Variants in WIPF2 observed in about 807,000 individuals in gnomAD.
The protein encoded by WIPF2 is WAS/WASL interacting protein family member 2.
WIPF2 carries 23 observed loss-of-function variants against 38.8 expected under a neutral mutation model. The ratio of observed to expected loss-of-function variants is 0.59; its 90% CI spans 0.43 to 0.84. The LOEUF (loss-of-function observed/expected upper bound fraction) is 0.84, where lower values mean the gene tolerates loss of function less well. Ranked by LOEUF, WIPF2 falls within the 40% of genes least tolerant of loss-of-function variation. The pLI, the probability that WIPF2 is intolerant of heterozygous loss-of-function variation, is 0.00. For synonymous variants in WIPF2, 210 were observed against 223.2 expected, an observed-to-expected ratio of 0.94 and a Z score of 0.53; for missense variants, 574 against 580.5, an observed-to-expected ratio of 0.99 and a Z score of 0.11.
chr17:40,264,943 G>A lies in WIPF2; in HGVS notation c.767G>A (p.Arg256His), dbSNP rs1168786447. The change falls in exon 5 of 8, where the codon CGC becomes CAC. Residue 256 changes from arginine to histidine, a missense_variant. By Grantham distance (29) the Arg-to-His change is conservative. Transcript: ENST00000323571. Reference sequence around the variant, plus strand: ...CTGGCTCCTCCTCCTCCGCCTTACCGCCAGCCTCCTGGGGTCCCCAATGGA... The same window carrying A: ...CTGGCTCCTCCTCCTCCGCCTTACCACCAGCCTCCTGGGGTCCCCAATGGA... ...QSLAPPPPPY[R>H]QPPGVPNGPS... 10 of 1,613,906 alleles carry A rather than the reference G, an allele frequency of 6.2e-6. No individual in the cohort carries two copies. Among genetic ancestry groups the A allele is most frequent in the South Asian group, 3.3e-5 (3 of 91,088 alleles).
intron 1 of WIPF2, among the ~76,000 whole-genome samples, chr17:40,242,525 G>C (rs945518555): frequency 2.6e-5 from 4 of 152,150 alleles, no homozygotes; most frequent in South Asian, 2.1e-4. Context: ...TCAGCCTCCC[G>C]AGTAGCTGGG....
chr17:40,231,312 C>A (rs561958757), intron 1 of WIPF2, among the ~76,000 whole-genome samples: 12 of 152,112 alleles, frequency 7.9e-5, no homozygotes, highest in Admixed American at 3.3e-4. Context: ...CATGTGAAGT[C>A]TGGATCAGCA....
At chr17:40,267,972 G>A (rs891393437) in intron 5 of WIPF2, among the ~76,000 whole-genome samples, 5 of 152,046 alleles carry the variant, frequency 3.3e-5, no homozygotes. Flanking sequence ...GCAAAACCCT[G>A]TCTCTACAAA....
At chr17:40,276,497 G>A (rs1378132982) in intron 6 of WIPF2, among the ~76,000 whole-genome samples, 1 of 138,970 alleles carries the variant, frequency 7.2e-6, no homozygotes, top group Non-Finnish European at 1.5e-5. Flanking sequence ...CCCCAGTCTG[G>A]GCAACAGAGT....
rs138472496 is a variant in WIPF2 at position 40,256,484 on chromosome 17, C to T, written c.25C>T (p.Pro9Ser). Residue 9 changes from proline to serine, a missense_variant, in exon 2 of 8, where the codon CCC (proline) becomes TCC (serine). Coordinates refer to ENST00000323571, the MANE Select transcript of WIPF2 (RefSeq NM_133264.5). The part of the protein sequence containing the change: MPIPPPPP[P>S]PPGPPPPPTF... ...AATGCCAATTCCTCCTCCCCCGCCA[C>T]CCCCACCTGGTCCTCCTCCACCTCC... 1.0e-5 allele frequency: 16 copies of T among 1,606,746 alleles called. No homozygotes were observed. The highest frequency in any genetic ancestry group is 1.4e-5 in the Non-Finnish European group (16 of 1,177,232).
chr17:40,257,756 AAAAAGG>A (rs1305518869), intron 2 of WIPF2, among the ~76,000 whole-genome samples: 2 of 151,854 alleles, frequency 1.3e-5, no homozygotes, highest in Admixed American at 6.6e-5. Context: ...AAAAAAAAAA[AAAAAGG>A]AAAGGAGGAA....
In WIPF2 at chr17:40,262,524, G is replaced by T; in HGVS notation, c.197-1G>T. ...GAAAACCCTACTGGTATGCTTTCCA[G>T]AGCCGAAAGGAAGCAGTGGTGGCTA... On this transcript the variant is annotated splice_acceptor_variant, in intron 3 of 7. Coordinates refer to ENST00000323571, the MANE Select transcript of WIPF2 (RefSeq NM_133264.5). LOFTEE classifies it high-confidence loss of function. 1 of 1,613,494 alleles carries T rather than the reference G, an allele frequency of 6.2e-7. No individual in the cohort carries two copies. Among genetic ancestry groups the T allele is most frequent in the Non-Finnish European group, 8.5e-7 (1 of 1,179,522 alleles).
chr17:40,257,668 C>T (rs1022307210), intron 2 of WIPF2, among the ~76,000 whole-genome samples: 1 of 151,130 alleles, frequency 6.6e-6, no homozygotes, highest in Non-Finnish European at 1.5e-5. Flanking sequence ...ATTGCTTGAA[C>T]CCAGGAAGCG....
chr17:40,231,703 G>C (rs1210710644), intron 1 of WIPF2, among the ~76,000 whole-genome samples: 2 of 152,030 alleles, frequency 1.3e-5, no homozygotes, highest in Non-Finnish European at 2.9e-5. Flanking sequence ...GATTACAGGC[G>C]TGAGCCACCA....
At chr17:40,268,918 C>G (rs931583338) in intron 5 of WIPF2, among the ~76,000 whole-genome samples, 3 of 152,154 alleles carry the variant, frequency 2.0e-5, no homozygotes, top group African/African-American at 7.2e-5. Flanking sequence ...GGGACACAGG[C>G]TCACACTTGT....
intron 1 of WIPF2, among the ~76,000 whole-genome samples, chr17:40,221,158 G>C (rs959556435): frequency 1.1e-4 from 16 of 152,046 alleles, no homozygotes; most frequent in African/African-American, 3.4e-4. Context: ...CCTTTTTCAT[G>C]CTGTTATTTT....
intron 1 of WIPF2, among the ~76,000 whole-genome samples, chr17:40,231,784 A>G (rs2145292253): frequency 6.6e-6 from 1 of 151,930 alleles, no homozygotes; most frequent in East Asian, 1.9e-4. Flanking sequence ...GTTGGGAGCT[A>G]GTAATAATAT....
In WIPF2 at chr17:40,278,333, C is replaced by T. The variant is rs536893667; in HGVS notation, c.*108C>T. On this transcript the variant is annotated 3_prime_UTR_variant, in exon 8 of 8. Transcript: ENST00000323571. ...CATGAGAGCTCCTAACATGTTTCTCCAATGCAATCAAGCCCTAGACTCCAA... is the reference window on the plus strand; with the variant it reads ...CATGAGAGCTCCTAACATGTTTCTCTAATGCAATCAAGCCCTAGACTCCAA... 8.4e-6 allele frequency: 11 copies of T among 1,310,816 alleles called. No homozygotes were observed. In the African/African-American group the frequency reaches 1.3e-4, roughly 16 times the overall value. The allele number at this position is 1,310,816 out of a possible 1,614,324, so 81.2% of individuals were successfully genotyped here.
intron 5 of WIPF2, among the ~76,000 whole-genome samples, chr17:40,271,477 C>T (rs538120718): frequency 8.6e-4 from 131 of 151,894 alleles, no homozygotes; most frequent in Non-Finnish European, 1.7e-3. Context: ...GCGCTTTAAC[C>T]TGGGTGACAG....
intron 4 of WIPF2, 24 bp from the exon 5 acceptor site, chr17:40,264,466 C>A (rs370974876): frequency 1.9e-6 from 3 of 1,613,142 alleles, no homozygotes; most frequent in African/African-American, 2.7e-5. Context: ...CTCTGTTGAC[C>A]CTGTGTTGTC....
intron 1 of WIPF2, among the ~76,000 whole-genome samples, chr17:40,233,331 TAGTA>T (rs891947743): frequency 5.9e-5 from 9 of 152,248 alleles, no homozygotes; most frequent in Admixed American, 4.6e-4. Context: ...TTTGTCAAAA[TAGTA>T]AGAATACATA....
At position 40,281,535 on chromosome 17, in the gene WIPF2, G is replaced by C. The variant is rs908734873; in HGVS notation, c.*3310G>C. Reference sequence around the variant, plus strand: ...CCTAGCTGATGGATGTGAGGCTGCTGTCTACAGGAGCTCATCCCAGCCCTG... The same window carrying C: ...CCTAGCTGATGGATGTGAGGCTGCTCTCTACAGGAGCTCATCCCAGCCCTG... On this transcript the variant is annotated 3_prime_UTR_variant, in exon 8 of 8. Transcript: ENST00000323571. 6.6e-6 allele frequency: 1 copy of C among 152,290 alleles called. No individual in the cohort carries two copies. The highest frequency in any genetic ancestry group is 2.4e-5 in the African/African-American group (1 of 41,432). 9.4% of individuals were successfully genotyped at this position (152,290 alleles called of 1,614,324 possible). A position where few individuals can be genotyped will look rare whatever the true frequency, so the allele number is the denominator to read the frequency against.
chr17:40,282,905 G>A lies in WIPF2; in HGVS notation c.*4680G>A, dbSNP rs2032581894. 6.6e-6 allele frequency: 1 copy of A among 151,962 alleles called. No individual in the cohort carries two copies. Among genetic ancestry groups the A allele is most frequent in the Non-Finnish European group, 1.5e-5 (1 of 68,052 alleles). 9.4% of individuals were successfully genotyped at this position (151,962 alleles called of 1,614,324 possible). Reference sequence around the variant, plus strand: ...TATTTTGAAAATTACAGTTCTAGTTGGCTGGGCGCGATGGCTCATGTCTGT... The same window carrying A: ...TATTTTGAAAATTACAGTTCTAGTTAGCTGGGCGCGATGGCTCATGTCTGT... On this transcript the variant is annotated 3_prime_UTR_variant, in exon 8 of 8. Transcript: ENST00000323571.
chr17:40,239,031 CTTCTGTTTATTTTATT>C (rs2031084600), intron 1 of WIPF2, among the ~76,000 whole-genome samples: 1 of 149,434 alleles, frequency 6.7e-6, no homozygotes, highest in Non-Finnish European at 1.5e-5. Context: ...CTGTGTCTGG[CTTCTGTTTATTTTATT>C]TTATTTATTT....
Sources: gnomAD v4.1 joint callset for allele counts (sites outside exome capture counted in the v4.1 genomes callset) on GRCh38, gnomAD v4.1.1 for gene constraint, MANE v1.5 for transcripts, NCBI Gene and HGNC (gene_info 2026-07-23, HGNC 2026-07-21) for gene names.